ANTXR1: variants seen among roughly 807,000 people sequenced by gnomAD.
ANTXR1 encodes ANTXR cell adhesion molecule 1, also known as anthrax toxin receptor 1.
Under a neutral mutation model 78.1 loss-of-function variants are expected in ANTXR1, and 19 were observed. The observed-to-expected ratio is 0.24, with a 90% CI of 0.17 to 0.36. The LOEUF (loss-of-function observed/expected upper bound fraction) is 0.36. ANTXR1 is among the 10% of genes least tolerant of loss of function. The probability of loss-of-function intolerance (pLI) is 1.00; values close to 1 mark genes in which losing one functional copy is unlikely to be tolerated. For synonymous variants in ANTXR1, 273 were observed against 260.5 expected, an observed-to-expected ratio of 1.05 and a Z score of -0.46; for missense variants, 518 against 718.6, an observed-to-expected ratio of 0.72 and a Z score of 3.19.
At position 69,155,836 on chromosome 2, in the gene ANTXR1, A is replaced by G. The variant is rs1044539265; in HGVS notation, c.1047+3572A>G. Among the ~76,000 whole-genome samples, 7 of 152,302 alleles carry G rather than the reference A, an allele frequency of 4.6e-5. No individual in the cohort carries two copies. The East Asian group carries it at 1.2e-3, about 25-fold the overall frequency. ...AGAGAAAGGCCATCGTATCCTGCCT[A>G]AATTTCAGCAGGTAGCAAGACACTG... On this transcript the variant is annotated intron_variant, in intron 13 of 17. Coordinates refer to ENST00000303714, the MANE Select transcript of ANTXR1 (RefSeq NM_032208.3).
intron 17 of ANTXR1, among the ~76,000 whole-genome samples, chr2:69,208,721 C>T (rs2104495140): frequency 6.6e-6 from 1 of 152,288 alleles, no homozygotes; most frequent in South Asian, 2.1e-4. Flanking sequence ...TCCATACAGG[C>T]CCTGAGTTCT....
rs200411283 is a variant in ANTXR1, at chr2:69,156,473, T to G, written c.1047+4209T>G. Among the ~76,000 whole-genome samples the G allele has an allele frequency of 3.9e-5, 6 of 152,186 alleles. No individual in the cohort carries two copies. The East Asian group carries it at 1.2e-3, about 29-fold the overall frequency. On this transcript the variant is annotated intron_variant, in intron 13 of 17. Coordinates refer to ENST00000303714, the MANE Select transcript of ANTXR1 (RefSeq NM_032208.3). ...CATCCTTTAAAAAATGTGTCTATGT[T>G]AATCTGTCCTCACACTACTACAAAG... is the stretch of plus-strand genomic sequence containing the variant.
At chr2:69,079,767 T>G (rs2104242963) in intron 8 of ANTXR1, among the ~76,000 whole-genome samples, 1 of 152,350 alleles carries the variant, frequency 6.6e-6, no homozygotes, top group Non-Finnish European at 1.5e-5. Context: ...GCAATAGTCC[T>G]GCCTTAAGAT....
chr2:69,137,459 C>A (rs1269745123), intron 12 of ANTXR1, among the ~76,000 whole-genome samples: 2 of 152,110 alleles, frequency 1.3e-5, no homozygotes, highest in Non-Finnish European at 2.9e-5. Flanking sequence ...GTTATTGAGG[C>A]TATTCCAGAT....
intron 12 of ANTXR1, among the ~76,000 whole-genome samples, chr2:69,143,080 C>A (rs1271615998): frequency 6.6e-6 from 1 of 152,138 alleles, no homozygotes; most frequent in Non-Finnish European, 1.5e-5. Flanking sequence ...CATGGGCAGG[C>A]AAATCTATCA....
chr2:69,037,965 G>A (rs1573796713), intron 1 of ANTXR1, among the ~76,000 whole-genome samples: 1 of 152,094 alleles, frequency 6.6e-6, no homozygotes, highest in East Asian at 1.9e-4. Flanking sequence ...GCATGGTGCT[G>A]CACCATGAAA....
At chr2:69,120,951 A>G (rs569251961) in intron 10 of ANTXR1, among the ~76,000 whole-genome samples, 8 of 152,280 alleles carry the variant, frequency 5.3e-5, no homozygotes, top group East Asian at 1.9e-4. Flanking sequence ...CTTAGATTCA[A>G]CAGCCTCACT....
At chr2:69,238,107 T>C (rs1675813444) in intron 17 of ANTXR1, among the ~76,000 whole-genome samples, 1 of 152,272 alleles carries the variant, frequency 6.6e-6, no homozygotes, top group South Asian at 2.1e-4. Flanking sequence ...CCACTTTACA[T>C]TCCCTCTATT....
At chr2:69,159,895 G>A (rs1673631797) in intron 13 of ANTXR1, among the ~76,000 whole-genome samples, 1 of 152,104 alleles carries the variant, frequency 6.6e-6, no homozygotes, top group Non-Finnish European at 1.5e-5. Flanking sequence ...TCAAAAACTT[G>A]ATATACCTTA....
At chr2:69,061,512 A>G (rs1012390503) in intron 3 of ANTXR1, among the ~76,000 whole-genome samples, 2 of 152,144 alleles carry the variant, frequency 1.3e-5, no homozygotes, top group African/African-American at 2.4e-5. Flanking sequence ...TGCCAAAAAA[A>G]AAAAAAAAGC....
At chr2:69,170,604 T>C (rs143178285) in intron 14 of ANTXR1, among the ~76,000 whole-genome samples, 151 of 152,338 alleles carry the variant, frequency 9.9e-4, no homozygotes, top group Non-Finnish European at 1.5e-3. Flanking sequence ...TACTGACTTT[T>C]CCTCTCAAAC....
intron 10 of ANTXR1, among the ~76,000 whole-genome samples, chr2:69,112,123 G>C (rs773649435): frequency 2.6e-5 from 4 of 152,118 alleles, no homozygotes; most frequent in Non-Finnish European, 5.9e-5. Flanking sequence ...GTTCTTCATG[G>C]GGATGCCCAT....
intron 13 of ANTXR1, 46 bp from the exon 14 acceptor site, chr2:69,170,202 G>A (rs1673942803): frequency 2.5e-6 from 4 of 1,610,668 alleles, no homozygotes; most frequent in African/African-American, 2.7e-5. Context: ...TTAGGAGGCA[G>A]GTAGCCAGAG....
At chr2:69,178,090 T>A (rs1435339783) in intron 14 of ANTXR1, among the ~76,000 whole-genome samples, 1 of 152,202 alleles carries the variant, frequency 6.6e-6, no homozygotes, top group Non-Finnish European at 1.5e-5. Flanking sequence ...AGGAGGAAGA[T>A]CTCAAGAGCC....
intron 16 of ANTXR1, among the ~76,000 whole-genome samples, chr2:69,187,660 T>C (rs1308556415): frequency 7.2e-6 from 1 of 138,742 alleles, no homozygotes; most frequent in East Asian, 2.3e-4. Flanking sequence ...CAATCTCAGC[T>C]CACTACAACC....
intron 16 of ANTXR1, 49 bp downstream of exon 16, chr2:69,182,709 T>C: frequency 1.3e-5 from 21 of 1,610,502 alleles, no homozygotes; most frequent in Non-Finnish European, 1.8e-5. Context: ...ATAAAACACT[T>C]ACATAGTGAA....
intron 10 of ANTXR1, among the ~76,000 whole-genome samples, chr2:69,108,090 C>T (rs1001720630): frequency 1.3e-5 from 2 of 152,264 alleles, no homozygotes; most frequent in South Asian, 4.1e-4. Context: ...GGCTGCTGGG[C>T]ATTTGAAATG....
chr2:69,137,020 C>A (rs1672927025), intron 12 of ANTXR1, among the ~76,000 whole-genome samples: 1 of 152,144 alleles, frequency 6.6e-6, no homozygotes, highest in Non-Finnish European at 1.5e-5. Flanking sequence ...TACCCCTTTC[C>A]TTCCTAGAAA....
At chr2:69,242,493 T>C (rs1006631609) in intron 17 of ANTXR1, among the ~76,000 whole-genome samples, 3 of 152,168 alleles carry the variant, frequency 2.0e-5, no homozygotes, top group South Asian at 2.1e-4. Context: ...CTTATTTCAA[T>C]TGAAGAGAAT....
Sources: allele counts gnomAD v4.1 joint callset (sites outside exome capture counted in the v4.1 genomes callset), GRCh38; gene constraint gnomAD v4.1.1; transcripts MANE v1.5; gene names NCBI Gene and HGNC (gene_info 2026-07-23, HGNC 2026-07-21).